Variants in LDLRAD3 observed in about 807,000 individuals in gnomAD.
LDLRAD3 encodes the protein low density lipoprotein receptor class A domain containing 3.
LDLRAD3 carries 20 observed loss-of-function variants against 29.4 expected under a neutral mutation model. The observed-to-expected ratio is 0.68, with a 90% CI of 0.48 to 0.99. The LOEUF (loss-of-function observed/expected upper bound fraction) is 0.99. Ranked by LOEUF, LDLRAD3 falls within the 50% of genes least tolerant of loss-of-function variation. LDLRAD3 has a pLI of 0.00. For synonymous variants in LDLRAD3, 157 were observed against 192.7 expected, an observed-to-expected ratio of 0.81 and a Z score of 1.53; for missense variants, 420 against 454.3, an observed-to-expected ratio of 0.92 and a Z score of 0.69.
intron 2 of LDLRAD3, among the ~76,000 whole-genome samples, chr11:36,059,147 C>G (rs1292332865): frequency 2.0e-5 from 3 of 152,124 alleles, no homozygotes; most frequent in Non-Finnish European, 1.5e-5. Flanking sequence ...AAGAGGACCA[C>G]TTGAGCCGAG....
intron 4 of LDLRAD3, among the ~76,000 whole-genome samples, chr11:36,101,033 G>A (rs1373877630): frequency 6.6e-6 from 1 of 152,156 alleles, no homozygotes; most frequent in East Asian, 1.9e-4. Context: ...GAAAGTTAGT[G>A]GTGGACACAT....
At chr11:35,949,255 T>G (rs989276410) in intron 1 of LDLRAD3, among the ~76,000 whole-genome samples, 8 of 152,172 alleles carry the variant, frequency 5.3e-5, no homozygotes, top group Non-Finnish European at 1.2e-4. Flanking sequence ...ATATGTGGTT[T>G]CCTTGGGAGA....
intron 1 of LDLRAD3, among the ~76,000 whole-genome samples, chr11:35,998,964 T>G (rs12281246): frequency 0.45 from 68,685 of 152,024 alleles, 17,024 homozygotes; most frequent in African/African-American, 0.66. Flanking sequence ...CACATTTCAG[T>G]CATTCGTTCA....
intron 4 of LDLRAD3, chr11:36,102,115 C>T (rs966997020): frequency 1.7e-5 from 3 of 178,544 alleles, no homozygotes; most frequent in Admixed American, 6.1e-5. Context: ...GTCTTGATCT[C>T]CTGACCTCGT....
intron 1 of LDLRAD3, among the ~76,000 whole-genome samples, chr11:35,995,462 G>A (rs1301093418): frequency 2.0e-5 from 3 of 152,206 alleles, no homozygotes; most frequent in African/African-American, 7.2e-5. Context: ...TTTACAGAGT[G>A]CAGGCAGGTT....
At chr11:36,201,589 A>C (rs142882962) in intron 4 of LDLRAD3, among the ~76,000 whole-genome samples, 103 of 152,344 alleles carry the variant, frequency 6.8e-4, no homozygotes, top group African/African-American at 2.2e-3. Context: ...GATGGGGAGC[A>C]CGGAATAATT....
intron 2 of LDLRAD3, among the ~76,000 whole-genome samples, chr11:36,072,726 C>T (rs1441503447): frequency 6.6e-6 from 1 of 152,194 alleles, no homozygotes; most frequent in Non-Finnish European, 1.5e-5. Context: ...TCAGTTTTGT[C>T]ATCTGTGGAA....
chr11:35,950,838 C>G (rs1044690436), intron 1 of LDLRAD3, among the ~76,000 whole-genome samples: 1 of 152,122 alleles, frequency 6.6e-6, no homozygotes. Context: ...AATCCCAGCA[C>G]TTTGGGGGGC....
At chr11:36,031,078 A>AT (rs111708085) in intron 1 of LDLRAD3, among the ~76,000 whole-genome samples, 12,290 of 147,050 alleles carry the variant, frequency 0.084, 551 homozygotes, top group South Asian at 0.16. Flanking sequence ...GGGACTTGTA[A>AT]TTTTTTTTTT....
intron 1 of LDLRAD3, among the ~76,000 whole-genome samples, chr11:35,971,309 G>A (rs1851409409): frequency 6.6e-6 from 1 of 152,158 alleles, no homozygotes; most frequent in Admixed American, 6.5e-5. Flanking sequence ...TGACCTGTTG[G>A]ACACTGTGGT....
rs367591997 is a variant in LDLRAD3, at chr11:36,146,002, T to TAAAA, written c.454+47546_454+47549dup. Among the ~76,000 whole-genome samples, 336 of 138,540 alleles carry TAAAA rather than the reference T, an allele frequency of 2.4e-3. 17 individuals are homozygous for TAAAA. The highest frequency in any genetic ancestry group is 4.8e-3 in the East Asian group (22 of 4,624). The allele number at this position is 138,540 out of a possible 152,430, so 90.9% of individuals were successfully genotyped here. On this transcript the variant is annotated intron_variant, in intron 4 of 5. Coordinates refer to ENST00000315571, the MANE Select transcript of LDLRAD3 (RefSeq NM_174902.4). ...GCGAGAAACACCCAAGAATGATCAA[T>TAAAA]AAAAAAAAGAAAAAAAAAAGTGTTG...
intron 4 of LDLRAD3, chr11:36,183,963 C>CTTTTT (rs547281058): frequency 0.021 from 4,717 of 220,872 alleles, 303 homozygotes; most frequent in African/African-American, 0.12. Flanking sequence ...TATATTTCAT[C>CTTTTT]TTTTTTTTTT....
intron 1 of LDLRAD3, among the ~76,000 whole-genome samples, chr11:35,958,227 CT>C (rs1851229776): frequency 6.6e-6 from 1 of 152,190 alleles, no homozygotes; most frequent in African/African-American, 2.4e-5. Flanking sequence ...CACACCCAGC[CT>C]ATTTCAGATG....
chr11:36,171,537 A>G (rs747972568), intron 4 of LDLRAD3, among the ~76,000 whole-genome samples: 1 of 152,118 alleles, frequency 6.6e-6, no homozygotes, highest in Non-Finnish European at 1.5e-5. Context: ...TCCCAACACC[A>G]TTTGTTGAAT....
intron 4 of LDLRAD3, among the ~76,000 whole-genome samples, chr11:36,174,748 G>C (rs1454537924): frequency 6.6e-6 from 1 of 152,188 alleles, no homozygotes; most frequent in Non-Finnish European, 1.5e-5. Context: ...TTGGGAGGCT[G>C]AGGCAGGCGG....
In LDLRAD3 at chr11:35,944,227, C is replaced by T; in HGVS notation, c.46+83C>T. On this transcript the variant is annotated intron_variant, in intron 1 of 5. Transcript: ENST00000315571. The surrounding 1 kb of genome is among the most constrained non-coding windows in gnomAD (Gnocchi z 4.9). ...CGCAGCGGCCGGGTGCGATCGCGTC[C>T]TCTCCCGGGCGCGGGCCGCTCTCCG... is the stretch of plus-strand genomic sequence containing the variant. The T allele has an allele frequency of 2.4e-6, 2 of 820,222 alleles. No homozygotes were observed. The highest frequency in any genetic ancestry group is 2.9e-6 in the Non-Finnish European group (2 of 678,530). The allele number at this position is 820,222 out of a possible 1,614,324, so 50.8% of individuals were successfully genotyped here.
intron 1 of LDLRAD3, among the ~76,000 whole-genome samples, chr11:35,955,629 T>G (rs1310402964): frequency 1.3e-5 from 2 of 152,206 alleles, no homozygotes; most frequent in African/African-American, 4.8e-5. Flanking sequence ...TAAACAGGGT[T>G]ACTGCAAATG....
intron 4 of LDLRAD3, among the ~76,000 whole-genome samples, chr11:36,185,977 A>C (rs1012277153): frequency 6.6e-6 from 1 of 152,204 alleles, no homozygotes; most frequent in Non-Finnish European, 1.5e-5. Flanking sequence ...TATATATTAG[A>C]GGCCACAGAG....
At chr11:35,959,772 A>G (rs1386319286) in intron 1 of LDLRAD3, among the ~76,000 whole-genome samples, 2 of 151,850 alleles carry the variant, frequency 1.3e-5, no homozygotes, top group African/African-American at 4.8e-5. Context: ...AAATATACAG[A>G]AAAAAAATTA....
Sources: allele counts gnomAD v4.1 joint callset (sites outside exome capture counted in the v4.1 genomes callset), GRCh38; gene constraint gnomAD v4.1.1; non-coding constraint Gnocchi (gnomAD v3.1); transcripts MANE v1.5; gene names NCBI Gene and HGNC (gene_info 2026-07-23, HGNC 2026-07-21).